COL6A6: variants seen among roughly 807,000 people sequenced by gnomAD.
The protein encoded by COL6A6 is collagen type VI alpha 6 chain, also known as collagen alpha-6(VI) chain.
In COL6A6, 183 loss-of-function variants were observed where a neutral mutation model predicts 208.6. That is an observed-to-expected ratio of 0.88 (90% CI 0.78 to 0.99). The LOEUF (loss-of-function observed/expected upper bound fraction) is 0.99, where lower values mean the gene tolerates loss of function less well. Among genes scored for constraint, COL6A6 ranks in the 50% least tolerant of loss-of-function variants. The pLI, the probability that COL6A6 is intolerant of heterozygous loss-of-function variation, is 0.00. For synonymous variants in COL6A6, 973 were observed against 1,011.8 expected, an observed-to-expected ratio of 0.96 and a Z score of 0.73; for missense variants, 2,816 against 2,815.2, an observed-to-expected ratio of 1.00 and a Z score of -0.01.
chr3:130,614,481 G>A (rs1428739567), intron 23 of COL6A6, among the ~76,000 whole-genome samples: 10 of 151,952 alleles, frequency 6.6e-5, no homozygotes, highest in South Asian at 2.1e-4. Flanking sequence ...TTTTTTCGTT[G>A]TGTCTCTGCC....
intron 24 of COL6A6, among the ~76,000 whole-genome samples, chr3:130,622,211 C>CCCT (rs745476745): frequency 7.4e-6 from 1 of 135,628 alleles, no homozygotes; most frequent in African/African-American, 2.8e-5. Context: ...CTACCCCCCC[C>CCCT]TTTTTTTTTT....
intron 12 of COL6A6, chr3:130,590,004 A>T (rs2063635546): frequency 4.4e-6 from 2 of 450,458 alleles, no homozygotes; most frequent in South Asian, 1.6e-5. Flanking sequence ...AGATTTTTTT[A>T]AAAAACAAGG....
At chr3:130,522,584 C>G (rs889552855) in intron 1 of COL6A6, among the ~76,000 whole-genome samples, 1 of 152,164 alleles carries the variant, frequency 6.6e-6, no homozygotes, top group East Asian at 1.9e-4. Flanking sequence ...CCTGAGAACT[C>G]CAGTCCCAGA....
chr3:130,535,755 G>T (rs1380723849), intron 1 of COL6A6, among the ~76,000 whole-genome samples: 1 of 152,034 alleles, frequency 6.6e-6, no homozygotes, highest in Non-Finnish European at 1.5e-5. Flanking sequence ...GATTTTGTAG[G>T]GTGAAGCCCT....
intron 8 of COL6A6, among the ~76,000 whole-genome samples, chr3:130,575,036 G>C (rs1386263176): frequency 6.6e-6 from 1 of 152,084 alleles, no homozygotes; most frequent in East Asian, 1.9e-4. Context: ...TCAACAGATG[G>C]AAGTAAAGTG....
At chr3:130,532,509 A>G (rs1211243734) in intron 1 of COL6A6, among the ~76,000 whole-genome samples, 1 of 152,124 alleles carries the variant, frequency 6.6e-6, no homozygotes, top group African/African-American at 2.4e-5. Context: ...AGGGGCTGGT[A>G]CACTGACCAA....
intron 1 of COL6A6, among the ~76,000 whole-genome samples, chr3:130,537,038 A>G (rs899505250): frequency 3.9e-5 from 6 of 152,358 alleles, no homozygotes; most frequent in Admixed American, 3.9e-4. Flanking sequence ...AATTATTCCT[A>G]TGTTTCTAGC....
chr3:130,664,252 T>C (rs2066015821), intron 35 of COL6A6, among the ~76,000 whole-genome samples: 1 of 152,140 alleles, frequency 6.6e-6, no homozygotes, highest in South Asian at 2.1e-4. Context: ...AGGTGCACAA[T>C]AACAGAAGCA....
chr3:130,589,055 C>A, intron 11 of COL6A6, 35 bp from the exon 12 acceptor site: 1 of 1,533,314 alleles, frequency 6.5e-7, no homozygotes, highest in Non-Finnish European at 9.0e-7. Flanking sequence ...GAAGCAATAC[C>A]ACCAAATGTA....
At chr3:130,634,390 G>C (rs981111712) in intron 26 of COL6A6, among the ~76,000 whole-genome samples, 200 bp from the exon 27 acceptor site, 1 of 152,088 alleles carries the variant, frequency 6.6e-6, no homozygotes, top group Non-Finnish European at 1.5e-5. Flanking sequence ...ATGATATGTT[G>C]ATGAAACCCT....
At chr3:130,522,474 G>A (rs1240068250) in intron 1 of COL6A6, among the ~76,000 whole-genome samples, 1 of 152,160 alleles carries the variant, frequency 6.6e-6, no homozygotes, top group Non-Finnish European at 1.5e-5. Flanking sequence ...ATAATGCTGG[G>A]CCCTTTATTT....
intron 1 of COL6A6, among the ~76,000 whole-genome samples, chr3:130,555,003 C>G (rs896724918): frequency 6.6e-5 from 10 of 152,174 alleles, no homozygotes; most frequent in African/African-American, 1.2e-4. Flanking sequence ...GGGCAGCACT[C>G]AGGTCAGACT....
At chr3:130,613,799 T>G (rs1370292449) in intron 23 of COL6A6, among the ~76,000 whole-genome samples, 1 of 152,244 alleles carries the variant, frequency 6.6e-6, no homozygotes, top group Admixed American at 6.5e-5. Context: ...ATTGCATTCC[T>G]GATTTGGCTC....
intron 11 of COL6A6, 77 bp downstream of exon 11, chr3:130,586,737 A>T (rs2063551052): frequency 7.2e-7 from 1 of 1,380,814 alleles, no homozygotes; most frequent in South Asian, 1.5e-5. Flanking sequence ...ATGCTTAAGA[A>T]TTTGAACTTA....
At chr3:130,658,644 T>A in intron 33 of COL6A6, 32 bp from the exon 34 acceptor site, 1 of 1,489,472 alleles carries the variant, frequency 6.7e-7, no homozygotes, top group Non-Finnish European at 9.3e-7. Context: ...CCCTACCCAC[T>A]AAGTTCTTTC....
intron 28 of COL6A6, among the ~76,000 whole-genome samples, chr3:130,641,050 G>T (rs186076561): frequency 6.6e-6 from 1 of 152,110 alleles, no homozygotes; most frequent in Non-Finnish European, 1.5e-5. Context: ...AGAGTCACAC[G>T]GAACTTTTTA....
chr3:130,599,922 G>A (rs2063962098), intron 20 of COL6A6, 112 bp downstream of exon 20: 1 of 952,478 alleles, frequency 1.0e-6, no homozygotes, highest in Non-Finnish European at 1.7e-6. Flanking sequence ...TCACTACCTT[G>A]AGGAAACTAA....
chr3:130,614,561 T>C (rs1002040648), intron 23 of COL6A6, among the ~76,000 whole-genome samples: 5 of 152,176 alleles, frequency 3.3e-5, no homozygotes, highest in Non-Finnish European at 7.4e-5. Flanking sequence ...CCTCACCTTT[T>C]AGGAATAGTT....
chr3:130,571,408 C>A lies in COL6A6; in HGVS notation c.2977+15C>A. On this transcript the variant is annotated intron_variant, in intron 7 of 36. Coordinates refer to ENST00000358511, the MANE Select transcript of COL6A6 (RefSeq NM_001102608.3). ...TTCAAAAGTAGGTAAGTTTTGCCAA[C>A]TAAGTTTTTCCTAATTATTAGCAGA... 6.6e-7 allele frequency: 1 copy of A among 1,521,252 alleles called. No individual in the cohort carries two copies. Among genetic ancestry groups the A allele is most frequent in the Non-Finnish European group, 8.8e-7 (1 of 1,134,014 alleles). 94.2% of individuals were successfully genotyped at this position (1,521,252 alleles called of 1,614,324 possible). A position where few individuals can be genotyped will look rare whatever the true frequency, so the allele number is the denominator to read the frequency against.
Sources: allele counts gnomAD v4.1 joint callset (sites outside exome capture counted in the v4.1 genomes callset), GRCh38; gene constraint gnomAD v4.1.1; transcripts MANE v1.5; gene names NCBI Gene and HGNC (gene_info 2026-07-23, HGNC 2026-07-21).